Variants in KIRREL3 observed in about 807,000 individuals in gnomAD.
KIRREL3 encodes kin of IRRE-like protein 3.
In KIRREL3, 36 loss-of-function variants were observed where a neutral mutation model predicts 89.7. The ratio of observed to expected loss-of-function variants is 0.40; its 90% CI spans 0.31 to 0.53. The LOEUF is 0.53. Ranked by LOEUF, KIRREL3 falls within the 20% of genes least tolerant of loss-of-function variation. KIRREL3 has a pLI of 0.49. For synonymous variants in KIRREL3, 445 were observed against 441.4 expected (o/e 1.01, Z -0.10); for missense variants, 864 against 1,056.6 (o/e 0.82, Z 2.53).
intron 1 of KIRREL3, among the ~76,000 whole-genome samples, chr11:126,718,973 C>T (rs1331837676): frequency 6.6e-6 from 1 of 152,190 alleles, no homozygotes; most frequent in Non-Finnish European, 1.5e-5. Context: ...TCATCATTCC[C>T]CCTTTATTTA....
rs1945981629 is a variant in KIRREL3, at chr11:126,892,885, C to T, written c.55+107570G>A. Among the ~76,000 whole-genome samples the T allele has an allele frequency of 6.6e-6, 1 of 152,168 alleles. No individual in the cohort carries two copies. On this transcript the variant is annotated intron_variant, in intron 1 of 16. Coordinates refer to ENST00000525144, the MANE Select transcript of KIRREL3 (RefSeq NM_032531.4). This position sits in a 1 kb window ranked among gnomAD's most constrained non-coding sequence, Gnocchi z 5.4. ...GCTTATCTAGTGGATGAACCTGCTC[C>T]TAGACACAGAGCACTGCCTGGCATC...
intron 1 of KIRREL3, among the ~76,000 whole-genome samples, chr11:126,888,247 G>A (rs141482061): frequency 6.6e-6 from 1 of 152,284 alleles, no homozygotes; most frequent in East Asian, 1.9e-4. Context: ...AGCCACAAAG[G>A]CTGACATCAG....
Position 126,991,503 on chromosome 11 carries a change from C to T in KIRREL3, c.55+8952G>A, listed in dbSNP as rs763389747. Among the ~76,000 whole-genome samples, 56 of 152,100 alleles carry T rather than the reference C, an allele frequency of 3.7e-4. No homozygotes were observed. The highest frequency in any genetic ancestry group is 6.3e-4 in the Non-Finnish European group (43 of 68,032). ...TTATTATTATTATTATTTGTCAGAACAGCCACAAAAGGAGCTACTCAAGCA... is the reference window on the plus strand; with the variant it reads ...TTATTATTATTATTATTTGTCAGAATAGCCACAAAAGGAGCTACTCAAGCA... On this transcript the variant is annotated intron_variant, in intron 1 of 16. Transcript: ENST00000525144. This position sits in a 1 kb window ranked among gnomAD's most constrained non-coding sequence, Gnocchi z 5.8.
At position 126,435,201 on chromosome 11, in the gene KIRREL3, C is replaced by T. The variant is rs1408836351; in HGVS notation, c.1588+67G>A. On this transcript the variant is annotated intron_variant, in intron 13 of 16. Transcript: ENST00000525144. ...GGCCTCCCTACCCCCTGCTGGGTTCCCTCCCCAGCTAGCCAGGAAGTCCCT... is the reference window on the plus strand; with the variant it reads ...GGCCTCCCTACCCCCTGCTGGGTTCTCTCCCCAGCTAGCCAGGAAGTCCCT... 5 of 1,553,626 alleles carry T rather than the reference C, an allele frequency of 3.2e-6. No individual in the cohort carries two copies. In the Admixed American group the frequency reaches 8.3e-5, roughly 26 times the overall value.
chr11:126,672,867 C>T (rs1211453126), intron 1 of KIRREL3, among the ~76,000 whole-genome samples: 1 of 152,192 alleles, frequency 6.6e-6, no homozygotes, highest in Non-Finnish European at 1.5e-5. Flanking sequence ...AATTCCCTCA[C>T]TCGTATTTGC....
At chr11:126,590,340 C>T (rs926477616) in intron 1 of KIRREL3, among the ~76,000 whole-genome samples, 1 of 152,242 alleles carries the variant, frequency 6.6e-6, no homozygotes, top group African/African-American at 2.4e-5. Flanking sequence ...ATTACACCCA[C>T]TTTCCTGGGC....
At chr11:126,988,879 G>T (rs927315465) in intron 1 of KIRREL3, among the ~76,000 whole-genome samples, 1 of 152,120 alleles carries the variant, frequency 6.6e-6, no homozygotes, top group Non-Finnish European at 1.5e-5. Flanking sequence ...ACATGCTGAG[G>T]CCAGCACACT....
At chr11:126,749,456 G>A (rs1343370535) in intron 1 of KIRREL3, among the ~76,000 whole-genome samples, 2 of 152,034 alleles carry the variant, frequency 1.3e-5, no homozygotes, top group African/African-American at 2.4e-5. Context: ...CATCCTCGCC[G>A]GTTTGCTCCT....
At position 126,715,994 on chromosome 11, in the gene KIRREL3, G is replaced by A. The variant is rs1188328226; in HGVS notation, c.56-153082C>T. On this transcript the variant is annotated intron_variant, in intron 1 of 16. Coordinates refer to ENST00000525144, the MANE Select transcript of KIRREL3 (RefSeq NM_032531.4). This position sits in a 1 kb window ranked among gnomAD's most constrained non-coding sequence, Gnocchi z 4.4. ...ACCCAATGTTAGTTCTTAGGCATGA[G>A]GTTGGGCAGGAGAAGGGCGGAGGAA... Among the ~76,000 whole-genome samples the A allele has an allele frequency of 3.9e-5, 6 of 152,212 alleles. No homozygotes were observed. Among genetic ancestry groups the A allele is most frequent in the African/African-American group, 1.4e-4 (6 of 41,536 alleles).
chr11:126,946,281 G>A lies in KIRREL3; in HGVS notation c.55+54174C>T, dbSNP rs143903458. On this transcript the variant is annotated intron_variant, in intron 1 of 16. Transcript: ENST00000525144. This position sits in a 1 kb window ranked among gnomAD's most constrained non-coding sequence, Gnocchi z 4.1. ...CCCCAGACTGCGGCCTCCAGACTCT[G>A]CTACTAGCCAGCCACTCTTGTCATC... Among the ~76,000 whole-genome samples, 1 of 152,282 alleles carries A rather than the reference G, an allele frequency of 6.6e-6. No individual in the cohort carries two copies. Among genetic ancestry groups the A allele is most frequent in the African/African-American group, 2.4e-5 (1 of 41,560 alleles).
At position 126,860,775 on chromosome 11, in the gene KIRREL3, G is replaced by C. The variant is rs1399404790; in HGVS notation, c.55+139680C>G. 1.3e-5 allele frequency among the ~76,000 whole-genome samples: 2 copies of C among 152,236 alleles called. No homozygotes were observed. The highest frequency in any genetic ancestry group is 2.9e-5 in the Non-Finnish European group (2 of 68,044). The stretch of plus-strand genomic sequence containing the variant: ...CCCTGGTCCAAAGGAGAGAGGCTGA[G>C]ACTCTTAGAATGTCCAAGGAGAGGG... On this transcript the variant is annotated intron_variant, in intron 1 of 16. Transcript: ENST00000525144. This position sits in a 1 kb window ranked among gnomAD's most constrained non-coding sequence, Gnocchi z 4.6.
rs1038827543 is a variant in KIRREL3 at position 126,430,049 on chromosome 11, G to A, written c.1697-761C>T. 6.6e-6 allele frequency among the ~76,000 whole-genome samples: 1 copy of A among 151,946 alleles called. No individual in the cohort carries two copies. The highest frequency in any genetic ancestry group is 1.9e-4 in the East Asian group (1 of 5,178). ...ACTCGGGAGGCTGAGCATGAGACTC[G>A]CTTGAATGAACCCGGGAGGCAGCGG... On this transcript the variant is annotated intron_variant, in intron 14 of 16. Transcript: ENST00000525144. This position sits in a 1 kb window ranked among gnomAD's most constrained non-coding sequence, Gnocchi z 6.6.
rs577977440 is a variant in KIRREL3 at position 126,441,206 on chromosome 11, T to C, written c.1253-657A>G. On this transcript the variant is annotated intron_variant, in intron 10 of 16. Transcript: ENST00000525144. This position sits in a 1 kb window ranked among gnomAD's most constrained non-coding sequence, Gnocchi z 5.0. Reference sequence around the variant, plus strand: ...ATCATCTTGTCTGCCTCCACGTCCATACCCAGACTGCCCAAGTGAGGCCAT... The same window carrying C: ...ATCATCTTGTCTGCCTCCACGTCCACACCCAGACTGCCCAAGTGAGGCCAT... Among the ~76,000 whole-genome samples the C allele has an allele frequency of 8.5e-5, 13 of 152,308 alleles. No individual in the cohort carries two copies. The South Asian group carries it at 2.1e-3, about 24-fold the overall frequency.
chr11:126,694,498 C>T lies in KIRREL3; in HGVS notation c.56-131586G>A, dbSNP rs1320723705. On this transcript the variant is annotated intron_variant, in intron 1 of 16. Coordinates refer to ENST00000525144, the MANE Select transcript of KIRREL3 (RefSeq NM_032531.4). This position sits in a 1 kb window ranked among gnomAD's most constrained non-coding sequence, Gnocchi z 4.4. ...GCAGGGCGAGCGTGGAGAATGATTG[C>T]TCAGGCCTCCATCAGCTCCAGGCGG... 6.6e-6 allele frequency among the ~76,000 whole-genome samples: 1 copy of T among 152,148 alleles called. No homozygotes were observed. The highest frequency in any genetic ancestry group is 1.5e-5 in the Non-Finnish European group (1 of 68,028).
chr11:126,550,942 G>A lies in KIRREL3; in HGVS notation c.133+11893C>T, dbSNP rs1208544967. 6.6e-6 allele frequency among the ~76,000 whole-genome samples: 1 copy of A among 152,156 alleles called. No individual in the cohort carries two copies. The highest frequency in any genetic ancestry group is 1.5e-5 in the Non-Finnish European group (1 of 68,034). On this transcript the variant is annotated intron_variant, in intron 2 of 16. Transcript: ENST00000525144. This position sits in a 1 kb window ranked among gnomAD's most constrained non-coding sequence, Gnocchi z 4.9. ...GTCCCCAAGACTTCCCCCACACCCT[G>A]GCACCTGTCACAAGTTCAGGCTTCC...
chr11:126,862,804 A>G (rs1944746146), intron 1 of KIRREL3, among the ~76,000 whole-genome samples: 1 of 152,200 alleles, frequency 6.6e-6, no homozygotes, highest in Non-Finnish European at 1.5e-5. Flanking sequence ...AGAGAAATCA[A>G]TCTGCCAGAG....
At chr11:126,436,705 C>T in intron 12 of KIRREL3, 106 bp downstream of exon 12, 2 of 1,221,428 alleles carry the variant, frequency 1.6e-6, no homozygotes, top group East Asian at 2.5e-5. Flanking sequence ...GTGGCTTGTC[C>T]TTGGGCCCTG....
chr11:126,612,532 C>T lies in KIRREL3; in HGVS notation c.56-49620G>A, dbSNP rs148499995. ...AAGAGATGTTGTTCATATAACATAA[C>T]ATTTTCCCCTTTAAAATAGACAGTT... On this transcript the variant is annotated intron_variant, in intron 1 of 16. Transcript: ENST00000525144. The surrounding 1 kb of genome is among the most constrained non-coding windows in gnomAD (Gnocchi z 4.5). Among the ~76,000 whole-genome samples the T allele has an allele frequency of 9.1e-4, 139 of 152,270 alleles. No homozygotes were observed. Among genetic ancestry groups the T allele is most frequent in the African/African-American group, 3.2e-3 (134 of 41,550 alleles).
At chr11:126,975,918 TCCTCCCTCCCTCCCTC>T (rs1191282647) in intron 1 of KIRREL3, among the ~76,000 whole-genome samples, 1 of 36,530 alleles carries the variant, frequency 2.7e-5, no homozygotes, top group Admixed American at 3.2e-4. Flanking sequence ...CTCCCTCCCT[TCCTCCCTCCCTCCCTC>T]CCTCCCTTCC....
Sources: allele counts gnomAD v4.1 joint callset (sites outside exome capture counted in the v4.1 genomes callset), GRCh38; gene constraint gnomAD v4.1.1; non-coding constraint Gnocchi (gnomAD v3.1); transcripts MANE v1.5; gene names NCBI Gene and HGNC (gene_info 2026-07-23, HGNC 2026-07-21).